Variants in GTPBP10 observed in about 807,000 individuals in gnomAD.
GTPBP10 encodes the protein GTP binding protein 10.
In GTPBP10, 38 loss-of-function variants were observed where a neutral mutation model predicts 44.8. The observed-to-expected ratio is 0.85, with a 90% CI of 0.65 to 1.11. GTPBP10 has a LOEUF of 1.11. GTPBP10 is among the 50% of genes most tolerant of loss of function. The probability of loss-of-function intolerance (pLI) is 0.00; values close to 1 mark genes in which losing one functional copy is unlikely to be tolerated. For missense variants in GTPBP10, 462 were observed against 453.7 expected, an observed-to-expected ratio of 1.02 and a Z score of -0.17; for synonymous variants, 152 against 150.6, an observed-to-expected ratio of 1.01 and a Z score of -0.07.
At chr7:90,384,786 A>C in intron 9 of GTPBP10, 106 bp from the exon 10 acceptor site, 2 of 1,116,334 alleles carry the variant, frequency 1.8e-6, no homozygotes, top group Non-Finnish European at 2.5e-6. Context: ...AAAGGCATGA[A>C]AAATGCTGGT....
At chr7:90,356,618 C>G (rs1006827797) in intron 4 of GTPBP10, among the ~76,000 whole-genome samples, 1 of 152,058 alleles carries the variant, frequency 6.6e-6, no homozygotes, top group Non-Finnish European at 1.5e-5. Flanking sequence ...CTCTCTAAGC[C>G]TTTGTTTTCT....
chr7:90,384,315 A>G (rs1367456672), intron 9 of GTPBP10, among the ~76,000 whole-genome samples: 1 of 152,166 alleles, frequency 6.6e-6, no homozygotes, highest in African/African-American at 2.4e-5. Flanking sequence ...GCCAATCAGT[A>G]TGCCATGGTG....
chr7:90,356,181 G>A (rs963910533), intron 4 of GTPBP10, among the ~76,000 whole-genome samples: 12 of 151,774 alleles, frequency 7.9e-5, no homozygotes, highest in East Asian at 3.9e-4. Flanking sequence ...TGTATCCCTC[G>A]TCTTTTGCCC....
chr7:90,347,466 G>A (rs1207912477), intron 1 of GTPBP10: 1 of 201,946 alleles, frequency 5.0e-6, no homozygotes, highest in Non-Finnish European at 8.8e-6. Flanking sequence ...AACTCTCCTC[G>A]AGTATATCAG....
chr7:90,382,888 A>G, intron 8 of GTPBP10, 68 bp from the exon 9 acceptor site: 1 of 1,113,844 alleles, frequency 9.0e-7, no homozygotes, highest in Non-Finnish European at 1.2e-6. Flanking sequence ...TGGGTCATTA[A>G]TTACCAAATA....
At chr7:90,346,895 A>G (rs573223153) in intron 1 of GTPBP10, 121 bp downstream of exon 1, 1 of 1,075,980 alleles carries the variant, frequency 9.3e-7, no homozygotes, top group African/African-American at 1.6e-5. Context: ...TTTCCCATAG[A>G]CTTCTCCGCC....
chr7:90,362,671 C>G (rs1796048580), intron 4 of GTPBP10, among the ~76,000 whole-genome samples: 1 of 152,122 alleles, frequency 6.6e-6, no homozygotes, highest in Non-Finnish European at 1.5e-5. Context: ...GAGCTGAGTT[C>G]AATTCCTGGA....
chr7:90,368,126 T>C (rs1796173874), intron 4 of GTPBP10, among the ~76,000 whole-genome samples: 1 of 152,234 alleles, frequency 6.6e-6, no homozygotes, highest in Non-Finnish European at 1.5e-5. Flanking sequence ...TCTTCTGGCT[T>C]GTAGGGTTTC....
At chr7:90,382,792 C>T (rs1796455306) in intron 8 of GTPBP10, among the ~76,000 whole-genome samples, 164 bp from the exon 9 acceptor site, 1 of 152,146 alleles carries the variant, frequency 6.6e-6, no homozygotes, top group African/African-American at 2.4e-5. Context: ...ATGACTTAAC[C>T]AGAGTCATTT....
rs780119986 is a variant in GTPBP10 at position 90,385,086 on chromosome 7, G to A, written c.1096G>A (p.Asp366Asn). ...ACAGTTGCTTAATTTGTGGATTTCT[G>A]ATACAATGTCTTCTACTGAGCCACC... The part of the protein sequence containing the change: ...KKQLLNLWIS[D>N]TMSSTEPPSK... Residue 366 changes from aspartate (D) to asparagine (N), a missense_variant, in exon 10 of 10, where the codon GAT becomes AAT. By Grantham distance (23) the Asp-to-Asn change is conservative (BLOSUM62 1). Coordinates refer to ENST00000222511, the MANE Select transcript of GTPBP10 (RefSeq NM_033107.4). 1.2e-6 allele frequency: 2 copies of A among 1,613,184 alleles called. No individual in the cohort carries two copies. Among genetic ancestry groups the A allele is most frequent in the African/African-American group, 1.3e-5 (1 of 74,892 alleles).
chr7:90,375,671 C>G (rs1325123327), intron 6 of GTPBP10, among the ~76,000 whole-genome samples: 2 of 152,074 alleles, frequency 1.3e-5, no homozygotes, highest in Non-Finnish European at 2.9e-5. Flanking sequence ...GAGGAAATTT[C>G]AGGACATGAG....
At chr7:90,370,445 G>A (rs375497531) in intron 4 of GTPBP10, among the ~76,000 whole-genome samples, 5 of 151,758 alleles carry the variant, frequency 3.3e-5, no homozygotes, top group African/African-American at 1.2e-4. Context: ...ACTCAGGAAC[G>A]GAAATCCAAG....
At position 90,390,781 on chromosome 7, in the gene GTPBP10, A is replaced by G. The variant is rs1796600154; in HGVS notation, c.*5627A>G. 6.6e-6 allele frequency: 1 copy of G among 152,066 alleles called. No homozygotes were observed. Among genetic ancestry groups the G allele is most frequent in the Non-Finnish European group, 1.5e-5 (1 of 67,994 alleles). 9.4% of individuals were successfully genotyped at this position (152,066 alleles called of 1,614,324 possible). ...TTCTGATCGGTACTTTCATTTTTCT[A>G]GTTGGTTACCAAATACTGTTATTGG... On this transcript the variant is annotated 3_prime_UTR_variant, in exon 10 of 10. Coordinates refer to ENST00000222511, the MANE Select transcript of GTPBP10 (RefSeq NM_033107.4).
At chr7:90,358,528 C>T (rs767869180) in intron 4 of GTPBP10, among the ~76,000 whole-genome samples, 7 of 152,072 alleles carry the variant, frequency 4.6e-5, no homozygotes, top group Non-Finnish European at 8.8e-5. Flanking sequence ...AAAGGATACC[C>T]TATTCAAAAA....
At chr7:90,350,622 A>G (rs991417556) in intron 1 of GTPBP10, among the ~76,000 whole-genome samples, 3 of 152,306 alleles carry the variant, frequency 2.0e-5, no homozygotes, top group Non-Finnish European at 2.9e-5. Flanking sequence ...GTATTAGTCT[A>G]TGTTTTTAAA....
rs192186559 is a variant in GTPBP10, at chr7:90,360,266, G to A, written c.464+5036G>A. Among the ~76,000 whole-genome samples, 270 of 152,242 alleles carry A rather than the reference G, an allele frequency of 1.8e-3. 6 individuals carry two copies. The South Asian group carries it at 0.021, about 12-fold the overall frequency. On this transcript the variant is annotated intron_variant, in intron 4 of 9. Transcript: ENST00000222511. ...TGGGTTTCCTTCTAGGGTTTTTATG[G>A]TTTTACGACTATCATTTAAGTCTTT...
rs113652645 is a variant in GTPBP10 at position 90,359,105 on chromosome 7, T to C, written c.464+3875T>C. On this transcript the variant is annotated intron_variant, in intron 4 of 9. Transcript: ENST00000222511. ...AAAAAACAATACGTGCTGACATAGA[T>C]GTGGGGAAAAGAGAACTCATACTTT... Among the ~76,000 whole-genome samples, 447 of 152,158 alleles carry C rather than the reference T, an allele frequency of 2.9e-3. 2 individuals carry two copies. The highest frequency in any genetic ancestry group is 1.0e-2 in the African/African-American group (415 of 41,506).
At chr7:90,376,121 G>C (rs1796342163) in intron 6 of GTPBP10, among the ~76,000 whole-genome samples, 2 of 151,554 alleles carry the variant, frequency 1.3e-5, no homozygotes, top group African/African-American at 4.9e-5. Context: ...TGTAGTCCCA[G>C]CTACTCCAGA....
Position 90,374,470 on chromosome 7 carries a change from A to C in GTPBP10, c.591+116A>C, listed in dbSNP as rs988508955. Reference sequence around the variant, plus strand: ...GTGGTGTTAGGGGAGAAAAAGTAACAAGATTTTGTTTATGCTAAGTGAAAC... The same window carrying C: ...GTGGTGTTAGGGGAGAAAAAGTAACCAGATTTTGTTTATGCTAAGTGAAAC... On this transcript the variant is annotated intron_variant, in intron 6 of 9. Transcript: ENST00000222511. 4.6e-6 allele frequency: 3 copies of C among 658,188 alleles called. No homozygotes were observed. In the African/African-American group the frequency reaches 5.5e-5, roughly 12 times the overall value. 40.8% of individuals were successfully genotyped at this position (658,188 alleles called of 1,614,324 possible).
Sources: allele counts gnomAD v4.1 joint callset (sites outside exome capture counted in the v4.1 genomes callset), GRCh38; gene constraint gnomAD v4.1.1; transcripts MANE v1.5; gene names NCBI Gene and HGNC (gene_info 2026-07-23, HGNC 2026-07-21).